KCNE1: variants seen among roughly 807,000 people sequenced by gnomAD.
KCNE1 encodes the protein potassium voltage-gated channel subfamily E member 1.
KCNE1 carries 1 observed loss-of-function variant against 2.9 expected under a neutral mutation model. The observed-to-expected ratio is 0.34, with a 90% CI of 0.12 to 1.62. KCNE1 has a LOEUF of 1.62. Among genes scored for constraint, KCNE1 ranks in the 40% most tolerant of loss-of-function variants. The pLI is 0.36. For synonymous variants in KCNE1, 23 were observed against 65.4 expected (o/e 0.35, Z 3.13); for missense variants, 45 against 150.5 (o/e 0.30, Z 3.67).
At chr21:34,499,684 T>C (rs928023213) in intron 2 of KCNE1, among the ~76,000 whole-genome samples, 1 of 152,252 alleles carries the variant, frequency 6.6e-6, no homozygotes, top group African/African-American at 2.4e-5. Flanking sequence ...ATCCTTCTCC[T>C]GTAATCTGGA....
At chr21:34,511,369 G>T in intron 1 of KCNE1, 54 bp from the exon 2 acceptor site, 2 of 927,674 alleles carry the variant, frequency 2.2e-6, no homozygotes. Flanking sequence ...AACAGTGTTG[G>T]GAGGTGGGAC....
At chr21:34,510,056 T>A (rs1424456505) in intron 2 of KCNE1, 1 of 152,258 alleles carries the variant, frequency 6.6e-6, no homozygotes, top group East Asian at 1.9e-4. Context: ...TGTCCCACAG[T>A]AGTACGAGTG....
chr21:34,498,006 C>T (rs961315279), intron 2 of KCNE1, among the ~76,000 whole-genome samples: 2 of 151,962 alleles, frequency 1.3e-5, no homozygotes, highest in Non-Finnish European at 2.9e-5. Context: ...TTATCTTTCT[C>T]TAAGTGTGTC....
At position 34,511,446 on chromosome 21, in the gene KCNE1, C is replaced by G. The variant is rs56115854; in HGVS notation, c.-376-131G>C. On this transcript the variant is annotated intron_variant, in intron 1 of 3. Transcript: ENST00000399286. ...ATGGATTCTCTCTCTCTTGTTCTCT[C>G]TCTCTCTCTTCCCGCCCCGCCCACC... 0.22 allele frequency: 54,929 copies of G among 251,964 alleles called. 7,038 individuals carry two copies. Among genetic ancestry groups the G allele is most frequent in the East Asian group, 0.5 (2,669 of 5,320 alleles). 15.6% of individuals were successfully genotyped at this position (251,964 alleles called of 1,614,324 possible). A position where few individuals can be genotyped will look rare whatever the true frequency, so the allele number is the denominator to read the frequency against.
intron 2 of KCNE1, 35 bp downstream of exon 2, chr21:34,511,066 C>G (rs1277229281): frequency 1.1e-6 from 1 of 873,058 alleles, no homozygotes; most frequent in Admixed American, 6.2e-5. Context: ...GGGTGCCTAA[C>G]TGAGGAAAGG....
chr21:34,499,369 T>C (rs566826855), intron 2 of KCNE1, among the ~76,000 whole-genome samples: 2 of 152,352 alleles, frequency 1.3e-5, no homozygotes, highest in African/African-American at 4.8e-5. Context: ...TGTCTGCCCA[T>C]CCTGTTGGCC....
chr21:34,501,402 T>C (rs772504556), intron 2 of KCNE1, among the ~76,000 whole-genome samples: 2 of 152,142 alleles, frequency 1.3e-5, no homozygotes, highest in African/African-American at 2.4e-5. Context: ...CATGGCTCCA[T>C]TGAGAATGGA....
At chr21:34,511,688 G>C (rs996716021) in intron 1 of KCNE1, among the ~76,000 whole-genome samples, 1 of 152,232 alleles carries the variant, frequency 6.6e-6, no homozygotes. Context: ...GCCTGCATGT[G>C]AGGCCCGGAC....
chr21:34,501,293 C>T (rs75976902), intron 2 of KCNE1, among the ~76,000 whole-genome samples: 23 of 152,244 alleles, frequency 1.5e-4, no homozygotes, highest in Admixed American at 3.9e-4. Context: ...CAAAGGAAAA[C>T]TGATAGAAAA....
At chr21:34,499,358 C>T (rs867112571) in intron 2 of KCNE1, among the ~76,000 whole-genome samples, 2 of 152,264 alleles carry the variant, frequency 1.3e-5, no homozygotes, top group Admixed American at 6.5e-5. Context: ...TTGCCCTTCC[C>T]TGTCTGCCCA....
intron 2 of KCNE1, among the ~76,000 whole-genome samples, chr21:34,501,699 GACAAA>G (rs1006106485): frequency 1.7e-4 from 26 of 152,274 alleles, no homozygotes; most frequent in Middle Eastern, 3.4e-3. Context: ...AGGGTTGATA[GACAAA>G]ACAAAGCTCT....
chr21:34,504,137 C>T (rs1983332786), intron 2 of KCNE1, among the ~76,000 whole-genome samples: 1 of 152,192 alleles, frequency 6.6e-6, no homozygotes, highest in Admixed American at 6.5e-5. Context: ...GGCACAGGGC[C>T]TTCGGAGGAA....
At chr21:34,511,698 C>T (rs1983844845) in intron 1 of KCNE1, among the ~76,000 whole-genome samples, 2 of 152,230 alleles carry the variant, frequency 1.3e-5, no homozygotes, top group Admixed American at 6.5e-5. Flanking sequence ...GAGGCCCGGA[C>T]GTCCTACAGA....
At chr21:34,496,234 C>T (rs1037057267) in intron 2 of KCNE1, among the ~76,000 whole-genome samples, 2 of 152,026 alleles carry the variant, frequency 1.3e-5, no homozygotes, top group Admixed American at 6.6e-5. Context: ...CCACCACTCC[C>T]GTCTAATTTT....
chr21:34,504,858 A>G (rs981931913), intron 2 of KCNE1, among the ~76,000 whole-genome samples: 2 of 152,184 alleles, frequency 1.3e-5, no homozygotes, highest in Admixed American at 6.5e-5. Flanking sequence ...AATCTATAGA[A>G]ACAGAAAGAA....
In KCNE1 at chr21:34,449,436, G is replaced by A. The variant is rs199473645; in HGVS notation, c.199C>T (p.Arg67Cys). 40 of 1,528,300 alleles carry A rather than the reference G, an allele frequency of 2.6e-5. 1 individual carries two copies. Among genetic ancestry groups the A allele is most frequent in the Admixed American group, 1.0e-4 (6 of 57,394 alleles). 94.7% of individuals were successfully genotyped at this position (1,528,300 alleles called of 1,614,324 possible). ...TTCGAGTGCTCCAGCTTCTTGGAGC[G>A]GATGTAGCTCAGCATGATGCCCAGG... Reference protein sequence around the residue: ...FTLGIMLSYIRSKKLEHSNDP... With the variant: ...FTLGIMLSYICSKKLEHSNDP... The change falls in exon 4 of 4, where the codon CGC (arginine) becomes TGC (cysteine). Residue 67 changes from arginine to cysteine, a missense_variant. Coordinates refer to ENST00000399286, the MANE Select transcript of KCNE1 (RefSeq NM_000219.6).
intron 2 of KCNE1, among the ~76,000 whole-genome samples, chr21:34,504,731 G>A (rs1259564836): frequency 2.6e-5 from 4 of 152,350 alleles, no homozygotes; most frequent in Middle Eastern, 3.4e-3. Flanking sequence ...AAGGGATGAA[G>A]TACTTATACT....
At chr21:34,503,463 A>G (rs995001386) in intron 2 of KCNE1, among the ~76,000 whole-genome samples, 2 of 152,154 alleles carry the variant, frequency 1.3e-5, no homozygotes, top group Non-Finnish European at 2.9e-5. Context: ...TTCATTATAT[A>G]GGCATGACTG....
At chr21:34,496,076 CT>C (rs147332706) in intron 2 of KCNE1, among the ~76,000 whole-genome samples, 197 of 149,634 alleles carry the variant, frequency 1.3e-3, no homozygotes, top group African/African-American at 4.2e-3. Flanking sequence ...AGCTCAAATA[CT>C]TTTTTTTTTC....
Sources: gnomAD v4.1 joint callset for allele counts (sites outside exome capture counted in the v4.1 genomes callset) on GRCh38, gnomAD v4.1.1 for gene constraint, MANE v1.5 for transcripts, NCBI Gene and HGNC (gene_info 2026-07-23, HGNC 2026-07-21) for gene names.